The following LRWD1 variants were observed in gnomAD, a reference collection of about 807,000 sequenced individuals.
LRWD1 encodes the protein leucine rich repeats and WD repeat domain containing 1.
LRWD1 carries 76 observed loss-of-function variants against 75.6 expected under a neutral mutation model. The observed-to-expected ratio is 1.01, with a 90% CI of 0.84 to 1.22. The LOEUF is 1.22. Among genes scored for constraint, LRWD1 ranks in the 50% most tolerant of loss-of-function variants. The probability of loss-of-function intolerance (pLI) is 0.00; values close to 1 mark genes in which losing one functional copy is unlikely to be tolerated. For missense variants in LRWD1, 917 were observed against 862.0 expected, an observed-to-expected ratio of 1.06 and a Z score of -0.80; for synonymous variants, 487 against 377.0, an observed-to-expected ratio of 1.29 and a Z score of -3.38.
At chr7:102,469,935 G>T in intron 11 of LRWD1, 53 bp downstream of exon 11, 1 of 1,451,992 alleles carries the variant, frequency 6.9e-7, no homozygotes, top group Non-Finnish European at 9.0e-7. Flanking sequence ...GAGGGTGGCT[G>T]TTGGCCCAGA....
intron 11 of LRWD1, 72 bp downstream of exon 11, chr7:102,469,954 C>G: frequency 7.0e-7 from 1 of 1,431,414 alleles, no homozygotes; most frequent in Non-Finnish European, 9.1e-7. Context: ...GATGGGCTCA[C>G]AGCAGCCTGG....
rs200957241 is a variant in LRWD1, at chr7:102,473,025, C to T, written c.1920C>T (p.Ile640=). ...TYLTALTDSN[I]VAIWGRM Reference sequence around the variant, plus strand: ...TCACCGCCCTGACGGACTCCAACATCGTAGCCATCTGGGGGAGGATGTAGC... The same window carrying T: ...TCACCGCCCTGACGGACTCCAACATTGTAGCCATCTGGGGGAGGATGTAGC... Residue 640 remains isoleucine (I), a synonymous_variant, in exon 15 of 15, where the codon ATC becomes ATT. Coordinates refer to ENST00000292616, the MANE Select transcript of LRWD1 (RefSeq NM_152892.3). 187 of 1,613,744 alleles carry T rather than the reference C, an allele frequency of 1.2e-4. No individual in the cohort carries two copies. In the South Asian group the frequency reaches 1.2e-3, roughly 10 times the overall value.
intron 13 of LRWD1, 41 bp downstream of exon 13, chr7:102,472,650 G>A (rs528584171): frequency 2.0e-5 from 33 of 1,611,122 alleles, no homozygotes; most frequent in Middle Eastern, 3.3e-4. Flanking sequence ...GCGGGCTTCC[G>A]GGAGCTCTGC....
At chr7:102,469,126 C>T in intron 9 of LRWD1, 64 bp downstream of exon 9, 1 of 1,402,874 alleles carries the variant, frequency 7.1e-7, no homozygotes, top group Non-Finnish European at 9.7e-7. Flanking sequence ...CCAGTAGCCT[C>T]CACGCTCCCC....
Position 102,472,986 on chromosome 7 carries a change from C to G in LRWD1, c.1881C>G (p.Ala627=). 1 of 1,614,140 alleles carries G rather than the reference C, an allele frequency of 6.2e-7. No homozygotes were observed. The highest frequency in any genetic ancestry group is 8.5e-7 in the Non-Finnish European group (1 of 1,180,028). Residue 627 remains alanine (A), a synonymous_variant, in exon 15 of 15, where the codon GCC becomes GCG. Coordinates refer to ENST00000292616, the MANE Select transcript of LRWD1 (RefSeq NM_152892.3). ...KTMVNTVVAN[A]SFTYLTALTD... Reference sequence around the variant, plus strand: ...TGGTGAACACAGTGGTGGCCAATGCCTCCTTCACCTACCTCACCGCCCTGA... The same window carrying G: ...TGGTGAACACAGTGGTGGCCAATGCGTCCTTCACCTACCTCACCGCCCTGA...
At chr7:102,465,712 T>A (rs1797950564) in intron 1 of LRWD1, 105 bp from the exon 2 acceptor site, 1 of 801,548 alleles carries the variant, frequency 1.2e-6, no homozygotes, top group African/African-American at 1.7e-5. Context: ...GCGGCTACAC[T>A]TGTACGAGAA....
At chr7:102,470,309 C>T (rs1798148569) in intron 11 of LRWD1, 1 of 162,058 alleles carries the variant, frequency 6.2e-6, no homozygotes, top group African/African-American at 2.4e-5. Flanking sequence ...TCTGGCTCAT[C>T]TGTCCCACCT....
At position 102,468,204 on chromosome 7, in the gene LRWD1, A is replaced by G. The variant is rs112201278; in HGVS notation, c.804+17A>G. The G allele has an allele frequency of 2.5e-6, 4 of 1,605,154 alleles. No individual in the cohort carries two copies. The African/African-American group carries it at 4.0e-5, about 16-fold the overall frequency. On this transcript the variant is annotated intron_variant, in intron 6 of 14. Coordinates refer to ENST00000292616, the MANE Select transcript of LRWD1 (RefSeq NM_152892.3). The stretch of plus-strand genomic sequence containing the variant: ...GGCAGCCAGGTGAGCTGAGGTGGCA[A>G]GGAGCAGGTGGCAGATGAGTCGGGG...
At chr7:102,471,653 G>A (rs75312819) in intron 11 of LRWD1, 9,974 of 158,024 alleles carry the variant, frequency 0.063, 363 homozygotes, top group Non-Finnish European at 0.077. Flanking sequence ...GCTAGCCTCC[G>A]AGAGTCAGGT....
In LRWD1 at chr7:102,469,950, C is replaced by T; in HGVS notation, c.1442+68C>T. 2.1e-6 allele frequency: 3 copies of T among 1,433,208 alleles called. No homozygotes were observed. In the South Asian group the frequency reaches 4.4e-5, roughly 21 times the overall value. 88.8% of individuals were successfully genotyped at this position (1,433,208 alleles called of 1,614,324 possible). On this transcript the variant is annotated intron_variant, in intron 11 of 14. Coordinates refer to ENST00000292616, the MANE Select transcript of LRWD1 (RefSeq NM_152892.3). ...GAGGGTGGCTGTTGGCCCAGATGGG[C>T]TCACAGCAGCCTGGGCACACCCGGG...
intron 11 of LRWD1, chr7:102,470,600 C>G (rs988949581): frequency 1.3e-5 from 2 of 152,364 alleles, no homozygotes; most frequent in East Asian, 3.9e-4. Flanking sequence ...TGGGGAGGTG[C>G]TTGCATGGAG....
In LRWD1 at chr7:102,468,077, T is replaced by G; in HGVS notation, c.694T>G (p.Leu232Val). 6.2e-7 allele frequency: 1 copy of G among 1,608,794 alleles called. No homozygotes were observed. The highest frequency in any genetic ancestry group is 8.5e-7 in the Non-Finnish European group (1 of 1,179,644). The change falls in exon 6 of 15, where the codon TTG becomes GTG. Residue 232 changes from leucine (L) to valine (V), a missense_variant. Transcript: ENST00000292616. ...AHKPRARLAA[L>V]KRPDDVPLSL... ...CCCTCCACAGGCCAGACTGGCGGCC[T>G]TGAAACGGCCAGACGACGTCCCACT...
chr7:102,470,090 G>C (rs1231957430), intron 11 of LRWD1: 10 of 625,846 alleles, frequency 1.6e-5, no homozygotes, highest in Middle Eastern at 4.4e-4. Flanking sequence ...TCAGCTGTGG[G>C]ACTGGGCCAT....
intron 11 of LRWD1, chr7:102,471,442 G>C (rs761070368): frequency 3.2e-5 from 5 of 154,558 alleles, no homozygotes; most frequent in Non-Finnish European, 7.3e-5. Context: ...GTGTTGAAAG[G>C]AGCAGCAGGG....
intron 3 of LRWD1, among the ~76,000 whole-genome samples, chr7:102,466,477 C>T (rs373801641): frequency 1.3e-5 from 2 of 152,070 alleles, no homozygotes; most frequent in African/African-American, 2.4e-5. Context: ...TGCAGTGATG[C>T]GATCTTGGCT....
chr7:102,472,110 CCTT>C, intron 11 of LRWD1, 105 bp from the exon 12 acceptor site: 3 of 987,964 alleles, frequency 3.0e-6, no homozygotes, highest in Non-Finnish European at 3.1e-6. Flanking sequence ...TTCTGTGCAG[CCTT>C]CACACAGGGC....
In LRWD1 at chr7:102,464,984, A is replaced by C. The variant is rs895615728; in HGVS notation, c.-97A>C. On this transcript the variant is annotated 5_prime_UTR_variant, in exon 1 of 15. Coordinates refer to ENST00000292616, the MANE Select transcript of LRWD1 (RefSeq NM_152892.3). ...TCGCGCGGCGCCGCCTCCTGGGCTCAGTTACCGCGGACGCCAGTGCCGGGC... is the reference window on the plus strand; with the variant it reads ...TCGCGCGGCGCCGCCTCCTGGGCTCCGTTACCGCGGACGCCAGTGCCGGGC... 8 of 1,346,862 alleles carry C rather than the reference A, an allele frequency of 5.9e-6. No homozygotes were observed. The highest frequency in any genetic ancestry group is 7.7e-6 in the Non-Finnish European group (8 of 1,041,966). 83.4% of individuals were successfully genotyped at this position (1,346,862 alleles called of 1,614,324 possible).
In LRWD1 at chr7:102,472,255, G is replaced by A. The variant is rs146629843; in HGVS notation, c.1480G>A (p.Glu494Lys). The A allele has an allele frequency of 1.4e-5, 22 of 1,596,554 alleles. No individual in the cohort carries two copies. Among genetic ancestry groups the A allele is most frequent in the Admixed American group, 6.9e-5 (4 of 57,896 alleles). ...GGAATTCGTCTTCTCTGAGGGCTCCGAGGCATCTGGACGGAGAGTGGATGG... is the reference window on the plus strand; with the variant it reads ...GGAATTCGTCTTCTCTGAGGGCTCCAAGGCATCTGGACGGAGAGTGGATGG... ...EVEFVFSEGS[E>K]ASGRRVDGLA... Residue 494 changes from glutamate (E) to lysine (K), a missense_variant, in exon 12 of 15, where the codon GAG becomes AAG. Glu to Lys is a moderately conservative substitution (Grantham distance 56). Transcript: ENST00000292616.
chr7:102,469,442 C>T lies in LRWD1; in HGVS notation c.1229-132C>T. ...TGGGGGCCCAGGAGTGTTCCTGTCT[C>T]CTAGCCTCGGCCCGCCCTCCCCGCC... On this transcript the variant is annotated intron_variant, in intron 9 of 14. Transcript: ENST00000292616. 7 of 1,012,668 alleles carry T rather than the reference C, an allele frequency of 6.9e-6. No individual in the cohort carries two copies. The East Asian group carries it at 1.7e-4, about 25-fold the overall frequency. The allele number at this position is 1,012,668 out of a possible 1,614,324, so 62.7% of individuals were successfully genotyped here.
Sources: allele counts gnomAD v4.1 joint callset (sites outside exome capture counted in the v4.1 genomes callset), GRCh38; gene constraint gnomAD v4.1.1; transcripts MANE v1.5; gene names NCBI Gene and HGNC (gene_info 2026-07-23, HGNC 2026-07-21).